FHIT: variants seen among roughly 807,000 people sequenced by gnomAD.
FHIT encodes the protein bis(5'-adenosyl)-triphosphatase.
FHIT carries 19 observed loss-of-function variants against 17.9 expected under a neutral mutation model. The observed-to-expected ratio is 1.06, with a 90% CI of 0.74 to 1.56. The LOEUF (loss-of-function observed/expected upper bound fraction) is 1.56. Ranked by LOEUF, FHIT falls within the 40% of genes most tolerant of loss-of-function variation. FHIT has a pLI of 0.00. For synonymous variants in FHIT, 81 were observed against 69.7 expected (o/e 1.16, Z -0.81); for missense variants, 248 against 189.2 (o/e 1.31, Z -1.82).
intron 2 of FHIT, among the ~76,000 whole-genome samples, chr3:61,096,264 G>A (rs1208125891): frequency 1.3e-5 from 2 of 152,170 alleles, no homozygotes; most frequent in African/African-American, 4.8e-5. Flanking sequence ...CCTCTACCTT[G>A]CAAAGTGTCT....
intron 3 of FHIT, among the ~76,000 whole-genome samples, chr3:60,842,645 A>ATTTTTTTTTTTTTTTT (rs1170383044): frequency 1.4e-4 from 13 of 94,570 alleles, no homozygotes; most frequent in Non-Finnish European, 2.2e-4. Context: ...ATATATATAT[A>ATTTTTTTTTTTTTTTT]TTTTTTTTTT....
chr3:59,779,309 C>T (rs554291450), intron 8 of FHIT, among the ~76,000 whole-genome samples: 2 of 152,242 alleles, frequency 1.3e-5, no homozygotes, highest in East Asian at 3.9e-4. Context: ...TTGTTCTGGA[C>T]AGGTACCGAG....
At chr3:61,198,404 C>T (rs1040992030) in intron 2 of FHIT, among the ~76,000 whole-genome samples, 5 of 152,126 alleles carry the variant, frequency 3.3e-5, no homozygotes, top group African/African-American at 4.8e-5. Flanking sequence ...TGGTCATACA[C>T]CCATCCATAG....
At position 60,569,755 on chromosome 3, in the gene FHIT, A is replaced by ATATATTT; in HGVS notation, c.-17-32777_-17-32776insAAATATA. Among the ~76,000 whole-genome samples the ATATATTT allele has an allele frequency of 6.5e-4, 50 of 77,338 alleles. 1 individual carries two copies. Among genetic ancestry groups the ATATATTT allele is most frequent in the East Asian group, 2.1e-3 (4 of 1,890 alleles). The allele number at this position is 77,338 out of a possible 152,430, so 50.7% of individuals were successfully genotyped here. A position where few individuals can be genotyped will look rare whatever the true frequency, so the allele number is the denominator to read the frequency against. ...TATATATATATATATATATATATAT[A>ATATATTT]TTTTTTTTTTTTTTAGACAGAGTTT... On this transcript the variant is annotated intron_variant, in intron 4 of 9. Coordinates refer to ENST00000492590, the MANE Select transcript of FHIT (RefSeq NM_002012.4).
intron 4 of FHIT, among the ~76,000 whole-genome samples, chr3:60,678,312 A>G (rs543554203): frequency 1.3e-5 from 2 of 152,324 alleles, no homozygotes; most frequent in Non-Finnish European, 2.9e-5. Context: ...AGCTACTAAT[A>G]TGCATATTTT....
intron 3 of FHIT, among the ~76,000 whole-genome samples, chr3:60,874,251 G>A (rs1275715239): frequency 6.6e-6 from 1 of 152,044 alleles, no homozygotes; most frequent in African/African-American, 2.4e-5. Context: ...ATACATGTTT[G>A]CTGCTATCAG....
chr3:60,064,812 C>G (rs887789621), intron 5 of FHIT, among the ~76,000 whole-genome samples: 5 of 152,212 alleles, frequency 3.3e-5, no homozygotes, highest in African/African-American at 1.2e-4. Context: ...CTCTCTAATA[C>G]ACTGACACAT....
intron 8 of FHIT, among the ~76,000 whole-genome samples, chr3:59,875,952 A>AAG (rs1575626138): frequency 1.6e-5 from 2 of 126,120 alleles, no homozygotes; most frequent in East Asian, 5.7e-4. Flanking sequence ...AAAAGAAAAA[A>AAG]AAAAGAAAAA....
intron 1 of FHIT, among the ~76,000 whole-genome samples, chr3:61,244,979 G>T (rs1287371187): frequency 6.6e-6 from 1 of 152,128 alleles, no homozygotes; most frequent in Non-Finnish European, 1.5e-5. Flanking sequence ...ACCTGAGGGT[G>T]AGGAAAAGAT....
chr3:60,389,131 T>C (rs1379927450), intron 5 of FHIT, among the ~76,000 whole-genome samples: 2 of 152,214 alleles, frequency 1.3e-5, no homozygotes, highest in African/African-American at 2.4e-5. Flanking sequence ...TCCATATAAG[T>C]GGTTCACAAA....
intron 1 of FHIT, among the ~76,000 whole-genome samples, chr3:61,218,106 G>T (rs550574386): frequency 6.6e-6 from 1 of 152,128 alleles, no homozygotes; most frequent in Admixed American, 6.5e-5. Flanking sequence ...TCTGAGAGTG[G>T]TAAGTTATCT....
chr3:60,456,366 C>T (rs2032093980), intron 5 of FHIT, among the ~76,000 whole-genome samples: 1 of 152,172 alleles, frequency 6.6e-6, no homozygotes. Flanking sequence ...ACACACTTCC[C>T]CAAACCAGAA....
At chr3:59,952,519 G>A (rs1346873281) in intron 7 of FHIT, among the ~76,000 whole-genome samples, 1 of 152,154 alleles carries the variant, frequency 6.6e-6, no homozygotes, top group Non-Finnish European at 1.5e-5. Context: ...TAGAGGCATG[G>A]CCTTTCAATG....
At chr3:60,185,204 T>C (rs1332672306) in intron 5 of FHIT, among the ~76,000 whole-genome samples, 1 of 152,180 alleles carries the variant, frequency 6.6e-6, no homozygotes, top group African/African-American at 2.4e-5. Context: ...ATGCAGAATG[T>C]CAGGTATCCA....
At chr3:61,239,866 T>C (rs1254938303) in intron 1 of FHIT, among the ~76,000 whole-genome samples, 2 of 150,348 alleles carry the variant, frequency 1.3e-5, no homozygotes, top group Non-Finnish European at 2.9e-5. Context: ...GAAATCTTTT[T>C]ATTTCAAGTG....
chr3:60,730,998 G>T (rs1342184443), intron 4 of FHIT, among the ~76,000 whole-genome samples: 2 of 151,170 alleles, frequency 1.3e-5, no homozygotes, highest in African/African-American at 4.9e-5. Flanking sequence ...CAGCGTGGTG[G>T]CACGCGCCCG....
chr3:59,912,750 T>C (rs1395604142), intron 8 of FHIT, among the ~76,000 whole-genome samples: 2 of 152,252 alleles, frequency 1.3e-5, no homozygotes, highest in Non-Finnish European at 2.9e-5. Flanking sequence ...TATGAGTTCC[T>C]TAGTTACCAC....
chr3:59,861,321 G>A (rs1575602465), intron 8 of FHIT, among the ~76,000 whole-genome samples: 1 of 152,150 alleles, frequency 6.6e-6, no homozygotes, highest in South Asian at 2.1e-4. Context: ...AGGCAGCACT[G>A]GCAATACTTC....
chr3:61,208,794 T>C (rs561944450), intron 1 of FHIT, among the ~76,000 whole-genome samples: 10 of 152,226 alleles, frequency 6.6e-5, no homozygotes, highest in Admixed American at 5.9e-4. Flanking sequence ...TGTCTTTTAA[T>C]TGGAGCATTT....
Sources: allele counts gnomAD v4.1 joint callset (sites outside exome capture counted in the v4.1 genomes callset), GRCh38; gene constraint gnomAD v4.1.1; transcripts MANE v1.5; gene names NCBI Gene and HGNC (gene_info 2026-07-23, HGNC 2026-07-21).